RUNX1: variants seen among roughly 807,000 people sequenced by gnomAD.
RUNX1 encodes RUNX family transcription factor 1.
Under a neutral mutation model 42.8 loss-of-function variants are expected in RUNX1, and 19 were observed. The observed-to-expected ratio is 0.44, with a 90% confidence interval of 0.31 to 0.65. The LOEUF is 0.65. Ranked by LOEUF, RUNX1 falls within the 30% of genes least tolerant of loss-of-function variation. The pLI is 0.07. For missense variants in RUNX1, 528 were observed against 672.0 expected, an observed-to-expected ratio of 0.79 and a Z score of 2.37; for synonymous variants, 271 against 289.4, an observed-to-expected ratio of 0.94 and a Z score of 0.64.
chr21:34,895,694 C>T (rs969312741), intron 2 of RUNX1, among the ~76,000 whole-genome samples: 2 of 151,306 alleles, frequency 1.3e-5, no homozygotes, highest in Non-Finnish European at 2.9e-5. Context: ...ACAGTTGGGG[C>T]ATAGGTTTGA....
At chr21:34,899,693 C>T (rs573027688) in intron 2 of RUNX1, among the ~76,000 whole-genome samples, 2 of 152,346 alleles carry the variant, frequency 1.3e-5, no homozygotes, top group Admixed American at 1.3e-4. Flanking sequence ...CTTCACTTTA[C>T]AAATGAGGAC....
At chr21:34,872,345 C>T (rs1012476543) in intron 5 of RUNX1, among the ~76,000 whole-genome samples, 3 of 152,136 alleles carry the variant, frequency 2.0e-5, no homozygotes, top group Admixed American at 6.5e-5. Flanking sequence ...GGAGCCTTCT[C>T]GGAGAAGCTG....
At chr21:34,933,726 C>G (rs911276539) in intron 2 of RUNX1, among the ~76,000 whole-genome samples, 1 of 152,154 alleles carries the variant, frequency 6.6e-6, no homozygotes, top group African/African-American at 2.4e-5. Flanking sequence ...TGATGGACCC[C>G]GTTCACGCAC....
chr21:34,879,238 T>A (rs891349835), intron 5 of RUNX1, among the ~76,000 whole-genome samples: 1 of 152,238 alleles, frequency 6.6e-6, no homozygotes, highest in East Asian at 1.9e-4. Flanking sequence ...TAATGACTTA[T>A]GCTTTTATAT....
At chr21:35,020,721 T>C (rs905715679) in intron 2 of RUNX1, among the ~76,000 whole-genome samples, 1 of 152,194 alleles carries the variant, frequency 6.6e-6, no homozygotes, top group Non-Finnish European at 1.5e-5. Context: ...TGATTCTCTG[T>C]GGTCTAGGCT....
intron 2 of RUNX1, among the ~76,000 whole-genome samples, chr21:35,039,303 C>T (rs1239353397): frequency 1.3e-5 from 2 of 152,086 alleles, no homozygotes; most frequent in African/African-American, 2.4e-5. Flanking sequence ...GTTTCTCGTT[C>T]GGACTCTGGC....
chr21:35,029,003 T>C (rs768341706), intron 2 of RUNX1, among the ~76,000 whole-genome samples: 7 of 152,186 alleles, frequency 4.6e-5, no homozygotes, highest in Non-Finnish European at 1.0e-4. Flanking sequence ...TTGTTTAATA[T>C]AGTTAATTTT....
intron 2 of RUNX1, among the ~76,000 whole-genome samples, chr21:34,946,433 C>T (rs1336383341): frequency 6.6e-5 from 10 of 152,190 alleles, no homozygotes; most frequent in Non-Finnish European, 1.2e-4. Context: ...GACTCTCCTC[C>T]TTCACACTTC....
intron 6 of RUNX1, among the ~76,000 whole-genome samples, chr21:34,841,495 T>G (rs1317991247): frequency 1.3e-5 from 2 of 152,172 alleles, no homozygotes; most frequent in East Asian, 3.9e-4. Context: ...TACAGTGGCC[T>G]CTCAGGTGAC....
At chr21:34,887,707 T>A (rs539087833) in intron 3 of RUNX1, 140 of 1,061,782 alleles carry the variant, frequency 1.3e-4, no homozygotes, top group Non-Finnish European at 1.4e-4. Context: ...TATATAAATA[T>A]ATACATATGC....
intron 2 of RUNX1, among the ~76,000 whole-genome samples, chr21:34,914,354 G>A (rs2058295469): frequency 1.3e-5 from 2 of 152,326 alleles, no homozygotes; most frequent in South Asian, 4.1e-4. Flanking sequence ...TGAGTCAGTG[G>A]AGCATTAGGA....
intron 2 of RUNX1, among the ~76,000 whole-genome samples, chr21:35,007,502 A>G (rs541342832): frequency 9.3e-4 from 141 of 152,228 alleles, no homozygotes; most frequent in Middle Eastern, 3.4e-3. Context: ...GATGTGCTAA[A>G]GCCACCACAT....
intron 2 of RUNX1, among the ~76,000 whole-genome samples, chr21:34,929,963 A>T (rs1416707673): frequency 2.6e-5 from 4 of 151,924 alleles, no homozygotes; most frequent in African/African-American, 9.7e-5. Flanking sequence ...CCTATAGTAG[A>T]TGCAAAAGAA....
At chr21:34,855,056 G>A (rs1485611991) in intron 6 of RUNX1, among the ~76,000 whole-genome samples, 6 of 152,168 alleles carry the variant, frequency 3.9e-5, no homozygotes. Flanking sequence ...AGTTATCTCA[G>A]AAATGGCCAA....
intron 1 of RUNX1, 56 bp downstream of exon 1, chr21:35,049,112 G>T: frequency 2.3e-4 from 98 of 433,552 alleles, no homozygotes; most frequent in East Asian, 3.2e-4. Context: ...AATTGTTAAA[G>T]ATTAAAAAAA....
At chr21:34,958,113 GCTGT>G (rs1208233902) in intron 2 of RUNX1, among the ~76,000 whole-genome samples, 2 of 152,146 alleles carry the variant, frequency 1.3e-5, no homozygotes, top group Non-Finnish European at 1.5e-5. Context: ...GAGATAAAGG[GCTGT>G]CTAACAGGCT....
intron 5 of RUNX1, among the ~76,000 whole-genome samples, chr21:34,868,503 G>A (rs1410604905): frequency 3.9e-5 from 6 of 152,162 alleles, no homozygotes; most frequent in African/African-American, 1.4e-4. Flanking sequence ...CGCCACTGGA[G>A]CATCTCTCAG....
intron 2 of RUNX1, among the ~76,000 whole-genome samples, chr21:35,039,723 A>G (rs1383290263): frequency 6.6e-6 from 1 of 152,256 alleles, no homozygotes; most frequent in East Asian, 1.9e-4. Flanking sequence ...ATGATATGGA[A>G]TGATTGACAG....
intron 2 of RUNX1, among the ~76,000 whole-genome samples, chr21:34,896,237 A>G (rs2058128832): frequency 6.6e-6 from 1 of 152,178 alleles, no homozygotes. Context: ...CTAGGGTACA[A>G]TCAAACTCTA....
Sources: gnomAD v4.1 joint callset for allele counts (sites outside exome capture counted in the v4.1 genomes callset) on GRCh38, gnomAD v4.1.1 for gene constraint, MANE v1.5 for transcripts, NCBI Gene and HGNC (gene_info 2026-07-23, HGNC 2026-07-21) for gene names.